The following RB1CC1 variants were observed in gnomAD, a reference collection of about 807,000 sequenced individuals.
The protein encoded by RB1CC1 is RB1 inducible coiled-coil 1.
RB1CC1 carries 46 observed loss-of-function variants against 177.5 expected under a neutral mutation model. The observed-to-expected ratio is 0.26, with a 90% CI of 0.20 to 0.33. The LOEUF (loss-of-function observed/expected upper bound fraction) is 0.33. Among genes scored for constraint, RB1CC1 ranks in the 10% least tolerant of loss-of-function variants. The pLI, the probability that RB1CC1 is intolerant of heterozygous loss-of-function variation, is 1.00. For missense variants in RB1CC1, 1,703 were observed against 1,816.3 expected, an observed-to-expected ratio of 0.94 and a Z score of 1.13; for synonymous variants, 666 against 613.6, an observed-to-expected ratio of 1.09 and a Z score of -1.26.
intron 1 of RB1CC1, among the ~76,000 whole-genome samples, chr8:52,693,014 G>A (rs1855043827): frequency 6.6e-6 from 1 of 152,194 alleles, no homozygotes; most frequent in Non-Finnish European, 1.5e-5. Context: ...ACAGAAACAA[G>A]CAATGGGGAA....
chr8:52,666,203 A>G (rs991851514), intron 8 of RB1CC1, among the ~76,000 whole-genome samples: 2 of 152,162 alleles, frequency 1.3e-5, no homozygotes, highest in African/African-American at 4.8e-5. Context: ...AAAAGGCAAG[A>G]CCATAAGAGT....
rs771711799 is a variant in RB1CC1, at chr8:52,657,667, A to G, written c.2162T>C (p.Leu721Ser). Residue 721 changes from leucine (L) to serine (S), a missense_variant, in exon 15 of 24, where the codon TTG becomes TCG. By Grantham distance (145) the Leu-to-Ser change is moderately radical. Coordinates refer to ENST00000025008, the MANE Select transcript of RB1CC1 (RefSeq NM_014781.5). ...EQTIHQVSLD[L>S]DSLAESPESD... ...TTCAGGACTTTCTGCTAATGAATCC[A>G]AGTCTAAAGAAACTTGGTGAATAGT... 2 of 1,614,152 alleles carry G rather than the reference A, an allele frequency of 1.2e-6. No homozygotes were observed. The highest frequency in any genetic ancestry group is 2.2e-5 in the South Asian group (2 of 91,088).
At position 52,642,827 on chromosome 8, in the gene RB1CC1, T is replaced by A; in HGVS notation, c.3988-15A>T. The A allele has an allele frequency of 6.6e-7, 1 of 1,515,962 alleles. No homozygotes were observed. Among genetic ancestry groups the A allele is most frequent in the Non-Finnish European group, 8.8e-7 (1 of 1,140,332 alleles). 93.9% of individuals were successfully genotyped at this position (1,515,962 alleles called of 1,614,324 possible). On this transcript the variant is annotated splice_polypyrimidine_tract_variant and intron_variant, in intron 16 of 23. Transcript: ENST00000025008. ...TTAAAATTGGTCTGGAACAAGAGAA[T>A]AATTATTTAAATTTATCTACATGTA... is the stretch of plus-strand genomic sequence containing the variant.
At position 52,642,541 on chromosome 8, in the gene RB1CC1, T is replaced by G; in HGVS notation, c.4147A>C (p.Lys1383Gln). The change falls in exon 18 of 24, where the codon AAA becomes CAA. Residue 1383 changes from lysine to glutamine, a missense_variant. This residue lies in a region of RB1CC1 where 1,169 missense variants were observed against 1,184.7 expected (regional missense o/e 0.99). Coordinates refer to ENST00000025008, the MANE Select transcript of RB1CC1 (RefSeq NM_014781.5). ...EDRARLLEEKKKLEEEVSKLR... is the reference protein window; with the variant it reads ...EDRARLLEEKQKLEEEVSKLR... Reference sequence around the variant, plus strand: ...TTACTGACTTCTTCTTCAAGCTTTTTCTTTTCCTCAAGCAAACGAGCTCGA... The same window carrying G: ...TTACTGACTTCTTCTTCAAGCTTTTGCTTTTCCTCAAGCAAACGAGCTCGA... 1 of 1,614,088 alleles carries G rather than the reference T, an allele frequency of 6.2e-7. No individual in the cohort carries two copies. The highest frequency in any genetic ancestry group is 1.1e-5 in the South Asian group (1 of 91,086).
chr8:52,661,724 G>T lies in RB1CC1; in HGVS notation c.1174-5C>A. On this transcript the variant is annotated splice_region_variant and splice_polypyrimidine_tract_variant and intron_variant, in intron 8 of 23. Transcript: ENST00000025008. ...CTTCTGATTAGCTAAAAATCCCTTT[G>T]AGAAAAAAAATGTTTCAAAGGACAT... is the stretch of plus-strand genomic sequence containing the variant. 1.3e-6 allele frequency: 2 copies of T among 1,531,712 alleles called. No homozygotes were observed. Among genetic ancestry groups the T allele is most frequent in the Non-Finnish European group, 1.8e-6 (2 of 1,142,716 alleles). 94.9% of individuals were successfully genotyped at this position (1,531,712 alleles called of 1,614,324 possible).
chr8:52,677,866 G>A (rs991966474), intron 5 of RB1CC1, among the ~76,000 whole-genome samples: 1 of 152,052 alleles, frequency 6.6e-6, no homozygotes, highest in African/African-American at 2.4e-5. Context: ...AAAGAGAGGT[G>A]ACACCCTTGA....
intron 8 of RB1CC1, among the ~76,000 whole-genome samples, chr8:52,665,022 G>A (rs920622943): frequency 6.6e-6 from 1 of 152,102 alleles, no homozygotes; most frequent in Non-Finnish European, 1.5e-5. Flanking sequence ...AGTGTCTAAG[G>A]TAAGATAATT....
chr8:52,630,385 G>A (rs1848671479), intron 21 of RB1CC1, 85 bp downstream of exon 21: 2 of 1,466,018 alleles, frequency 1.4e-6, no homozygotes, highest in South Asian at 2.7e-5. Flanking sequence ...ACCTGGACCT[G>A]AATTACTGTC....
At chr8:52,683,517 ACAAT>A in intron 5 of RB1CC1, 28 bp downstream of exon 5, 1 of 1,503,396 alleles carries the variant, frequency 6.7e-7, no homozygotes, top group Non-Finnish European at 8.9e-7. Context: ...GCTTTTAGAA[ACAAT>A]CAGTTAAAAT....
Position 52,683,944 on chromosome 8 carries a change from G to C in RB1CC1, c.141C>G (p.Val47=). ...KIAIQHQVLV[V]NGGECMAADR... is the part of the protein sequence containing the mutation. ...CTGCAGCCATGCATTCTCCTCCATT[G>C]ACCACCAGCACCTGGTGTTGAATAG... Residue 47 remains valine, a synonymous_variant, in exon 4 of 24, where the codon GTC becomes GTG. Transcript: ENST00000025008. 1 of 1,614,008 alleles carries C rather than the reference G, an allele frequency of 6.2e-7. No homozygotes were observed. The highest frequency in any genetic ancestry group is 8.5e-7 in the Non-Finnish European group (1 of 1,180,004).
chr8:52,682,236 C>T (rs1350672886), intron 5 of RB1CC1, among the ~76,000 whole-genome samples: 1 of 152,176 alleles, frequency 6.6e-6, no homozygotes, highest in Admixed American at 6.5e-5. Context: ...GGCTGCCATG[C>T]TGGATTTCGA....
intron 1 of RB1CC1, 103 bp from the exon 2 acceptor site, chr8:52,687,070 T>C: frequency 2.4e-6 from 1 of 411,280 alleles, no homozygotes; most frequent in Non-Finnish European, 4.8e-6. Flanking sequence ...CTAAGAATAA[T>C]CTCTACTCAG....
chr8:52,684,391 C>G (rs1303206896), intron 3 of RB1CC1, among the ~76,000 whole-genome samples: 1 of 152,034 alleles, frequency 6.6e-6, no homozygotes, highest in Non-Finnish European at 1.5e-5. Context: ...TTAATGAAAA[C>G]TAATTCTGGA....
chr8:52,673,169 T>C lies in RB1CC1; in HGVS notation c.1002+676A>G, dbSNP rs147153564. On this transcript the variant is annotated intron_variant, in intron 7 of 23. Transcript: ENST00000025008. The stretch of plus-strand genomic sequence containing the variant: ...TGAAAAGTTTAACTATTTTTAACAA[T>C]TATCTTTTGACAACAGCAGCCTTCA... 2.2e-4 allele frequency among the ~76,000 whole-genome samples: 33 copies of C among 152,306 alleles called. 1 individual carries two copies. In the East Asian group the frequency reaches 5.4e-3, roughly 25 times the overall value.
chr8:52,642,706 T>C lies in RB1CC1; in HGVS notation c.4094A>G (p.Lys1365Arg). The change falls in exon 17 of 24, where the codon AAA (lysine) becomes AGA (arginine). Residue 1365 changes from lysine to arginine, a missense_variant and splice_region_variant. Lys to Arg is a conservative substitution (Grantham distance 26, BLOSUM62 2). Coordinates refer to ENST00000025008, the MANE Select transcript of RB1CC1 (RefSeq NM_014781.5). ...KSTMQQQERDKDLIESLSEDR... is the reference protein window; with the variant it reads ...KSTMQQQERDRDLIESLSEDR... The stretch of plus-strand genomic sequence containing the variant: ...AAATAGTACAAAACAGTACAAACCT[T>C]TATCCCGTTCTTGTTGCTGCATTGT... 1 of 1,576,286 alleles carries C rather than the reference T, an allele frequency of 6.3e-7. No individual in the cohort carries two copies. The highest frequency in any genetic ancestry group is 1.2e-5 in the South Asian group (1 of 83,116).
chr8:52,693,921 T>A (rs577040277), intron 1 of RB1CC1, among the ~76,000 whole-genome samples: 3 of 152,174 alleles, frequency 2.0e-5, no homozygotes, highest in Non-Finnish European at 2.9e-5. Flanking sequence ...ATCCCGCACA[T>A]GTACCCTTTA....
intron 16 of RB1CC1, among the ~76,000 whole-genome samples, 176 bp downstream of exon 16, chr8:52,645,526 T>TA (rs1489191122): frequency 6.6e-6 from 1 of 151,938 alleles, no homozygotes; most frequent in African/African-American, 2.4e-5. Context: ...GTAAAAAAAC[T>TA]AAAAAAAATT....
chr8:52,710,903 G>T (rs1013376714), intron 1 of RB1CC1, among the ~76,000 whole-genome samples: 5 of 152,078 alleles, frequency 3.3e-5, no homozygotes, highest in African/African-American at 1.2e-4. Context: ...ATATAATATG[G>T]TATTGAATTA....
intron 1 of RB1CC1, among the ~76,000 whole-genome samples, chr8:52,704,618 T>C (rs552761096): frequency 6.6e-6 from 1 of 152,268 alleles, no homozygotes; most frequent in African/African-American, 2.4e-5. Context: ...CTAATTCTTT[T>C]ATTAACTTGC....
Sources: allele counts gnomAD v4.1 joint callset (sites outside exome capture counted in the v4.1 genomes callset), GRCh38; gene constraint gnomAD v4.1.1; regional missense constraint gnomAD v4.1.1; transcripts MANE v1.5; gene names NCBI Gene and HGNC (gene_info 2026-07-23, HGNC 2026-07-21).